CSMD1: variants seen among roughly 807,000 people sequenced by gnomAD.
The protein encoded by CSMD1 is CUB and Sushi multiple domains 1, also known as CUB and sushi domain-containing protein 1.
A neutral mutation model predicts 417.5 loss-of-function variants in CSMD1; 213 were observed. The ratio of observed to expected loss-of-function variants is 0.51; its 90% CI spans 0.46 to 0.57. The LOEUF (loss-of-function observed/expected upper bound fraction) is 0.57. Ranked by LOEUF, CSMD1 falls within the 20% of genes least tolerant of loss-of-function variation. The probability of loss-of-function intolerance (pLI) is 0.00; values close to 1 mark genes in which losing one functional copy is unlikely to be tolerated. For missense variants in CSMD1, 6,923 were observed against 4,529.7 expected (o/e 1.53, Z -15.17); for synonymous variants, 2,862 against 1,736.8 (o/e 1.65, Z -16.11).
At chr8:3,349,832 A>C (rs1563298634) in intron 21 of CSMD1, among the ~76,000 whole-genome samples, 1 of 138,374 alleles carries the variant, frequency 7.2e-6, no homozygotes, top group Non-Finnish European at 1.6e-5. Flanking sequence ...AAATATATAT[A>C]ATATATCTAG....
chr8:4,037,052 G>A (rs903757144), intron 3 of CSMD1, among the ~76,000 whole-genome samples: 2 of 151,998 alleles, frequency 1.3e-5, no homozygotes, highest in East Asian at 3.9e-4. Context: ...GGCACCCGGA[G>A]CTGCTGAGAC....
In CSMD1 at chr8:3,648,483, A is replaced by G. The variant is rs1161529139; in HGVS notation, c.1010-31686T>C. Among the ~76,000 whole-genome samples the G allele has an allele frequency of 2.0e-5, 3 of 152,300 alleles. No individual in the cohort carries two copies. In the East Asian group the frequency reaches 5.8e-4, roughly 29 times the overall value. On this transcript the variant is annotated intron_variant, in intron 7 of 69. Transcript: ENST00000635120. ...TTCAGGGACAAGATGGCTCTAACAC[A>G]GTGGAGTGACTGCTGAGATTTTGGA... is the stretch of plus-strand genomic sequence containing the variant.
At chr8:3,692,059 G>A (rs7837233) in intron 7 of CSMD1, among the ~76,000 whole-genome samples, 46,705 of 151,998 alleles carry the variant, frequency 0.31, 7,762 homozygotes, top group South Asian at 0.4. Flanking sequence ...GCCTGCTCCG[G>A]GTGAGATCTC....
chr8:3,349,937 ATATAT>A (rs1405098821), intron 21 of CSMD1, among the ~76,000 whole-genome samples: 175 of 144,920 alleles, frequency 1.2e-3, no homozygotes, highest in African/African-American at 3.8e-3. Context: ...TATATATAAT[ATATAT>A]TATATGTGTA....
At chr8:3,467,939 G>A (rs546668482) in intron 12 of CSMD1, among the ~76,000 whole-genome samples, 220 of 152,272 alleles carry the variant, frequency 1.4e-3, no homozygotes, top group African/African-American at 5.1e-3. Flanking sequence ...ATAAAATACA[G>A]TTCCAACAGC....
chr8:3,069,698 C>T (rs1327862919), intron 49 of CSMD1, among the ~76,000 whole-genome samples: 2 of 152,136 alleles, frequency 1.3e-5, no homozygotes, highest in Non-Finnish European at 1.5e-5. Context: ...GGGCAAACTG[C>T]TTGTAGATCT....
rs186906890 is a variant in CSMD1 at position 3,034,322 on chromosome 8, G to A, written c.7661-4809C>T. 6.4e-3 allele frequency among the ~76,000 whole-genome samples: 971 copies of A among 152,216 alleles called. 10 individuals carry two copies. Among genetic ancestry groups the A allele is most frequent in the Middle Eastern group, 0.014 (4 of 294 alleles). On this transcript the variant is annotated intron_variant, in intron 50 of 69. Transcript: ENST00000635120. The stretch of plus-strand genomic sequence containing the variant: ...TTTCTATATATTACTAATGGTCAGA[G>A]AAAAAGCCAACCAAGAGATCAAAGG...
intron 8 of CSMD1, among the ~76,000 whole-genome samples, chr8:3,590,381 G>T (rs2449181): frequency 0.37 from 55,479 of 151,912 alleles, 10,955 homozygotes; most frequent in Middle Eastern, 0.44. Flanking sequence ...ACCCATCAAG[G>T]TAGTCATGTG....
chr8:3,311,491 T>G (rs1367954866), intron 23 of CSMD1, among the ~76,000 whole-genome samples: 2 of 152,130 alleles, frequency 1.3e-5, no homozygotes, highest in Non-Finnish European at 2.9e-5. Context: ...CTCAAGTGAT[T>G]TGCTTGCCTC....
intron 33 of CSMD1, among the ~76,000 whole-genome samples, chr8:3,191,326 C>T (rs564890918): frequency 2.2e-4 from 33 of 152,160 alleles, no homozygotes; most frequent in Middle Eastern, 6.8e-3. Flanking sequence ...CATGGTGGCA[C>T]ATGTCTGTAA....
At chr8:2,956,127 T>C (rs1004021105) in intron 63 of CSMD1, among the ~76,000 whole-genome samples, 1 of 152,078 alleles carries the variant, frequency 6.6e-6, no homozygotes, top group Non-Finnish European at 1.5e-5. Flanking sequence ...ACTACCGAAA[T>C]AAATATGTTA....
chr8:4,805,128 C>T (rs1003880292), intron 1 of CSMD1, among the ~76,000 whole-genome samples: 1 of 152,038 alleles, frequency 6.6e-6, no homozygotes, highest in East Asian at 1.9e-4. Flanking sequence ...AGGTATAGAC[C>T]TGATTCTGCA....
At chr8:4,766,261 T>A (rs1401455074) in intron 1 of CSMD1, among the ~76,000 whole-genome samples, 2 of 152,154 alleles carry the variant, frequency 1.3e-5, no homozygotes, top group African/African-American at 4.8e-5. Context: ...TAGCAGAATA[T>A]CCTGTCGTGA....
At chr8:3,592,408 T>C (rs950894612) in intron 8 of CSMD1, among the ~76,000 whole-genome samples, 1 of 152,108 alleles carries the variant, frequency 6.6e-6, no homozygotes, top group Admixed American at 6.5e-5. Context: ...ATACATTAGG[T>C]AAAATGTTTT....
chr8:4,145,589 A>G (rs1804062700), intron 3 of CSMD1, among the ~76,000 whole-genome samples: 1 of 151,022 alleles, frequency 6.6e-6, no homozygotes, highest in East Asian at 1.9e-4. Flanking sequence ...CGGTCTCACC[A>G]TGTTGCATGG....
At chr8:4,445,039 A>C (rs1412985014) in intron 2 of CSMD1, among the ~76,000 whole-genome samples, 1 of 152,190 alleles carries the variant, frequency 6.6e-6, no homozygotes, top group African/African-American at 2.4e-5. Context: ...CCCATATTGA[A>C]ATCACTGCAC....
intron 49 of CSMD1, among the ~76,000 whole-genome samples, chr8:3,068,232 G>C (rs558583070): frequency 1.8e-4 from 27 of 152,134 alleles, no homozygotes; most frequent in African/African-American, 6.3e-4. Flanking sequence ...TTTCTTCATA[G>C]ATTTGCTCAT....
chr8:3,303,795 C>T (rs947833876), intron 25 of CSMD1, among the ~76,000 whole-genome samples: 26 of 152,190 alleles, frequency 1.7e-4, no homozygotes, highest in Non-Finnish European at 2.9e-4. Context: ...TACCAAATAA[C>T]TTTCAATGGG....
At chr8:3,552,643 C>T (rs1798967833) in intron 10 of CSMD1, among the ~76,000 whole-genome samples, 1 of 152,156 alleles carries the variant, frequency 6.6e-6, no homozygotes, top group African/African-American at 2.4e-5. Context: ...TACAGAGATC[C>T]TTTCTGTTGC....
Sources: gnomAD v4.1 joint callset for allele counts (sites outside exome capture counted in the v4.1 genomes callset) on GRCh38, gnomAD v4.1.1 for gene constraint, MANE v1.5 for transcripts, NCBI Gene and HGNC (gene_info 2026-07-23, HGNC 2026-07-21) for gene names.